The following PHC3 variants were observed in gnomAD, a reference collection of about 807,000 sequenced individuals.
PHC3 encodes the protein polyhomeotic homolog 3.
A neutral mutation model predicts 107.4 loss-of-function variants in PHC3; 13 were observed. The observed-to-expected ratio is 0.12, with a 90% CI of 0.08 to 0.19. The LOEUF (loss-of-function observed/expected upper bound fraction) is 0.19. PHC3 is among the 10% of genes least tolerant of loss of function. The probability of loss-of-function intolerance (pLI) is 1.00; values close to 1 mark genes in which losing one functional copy is unlikely to be tolerated. For missense variants in PHC3, 992 were observed against 1,210.9 expected, an observed-to-expected ratio of 0.82 and a Z score of 2.68; for synonymous variants, 456 against 427.4, an observed-to-expected ratio of 1.07 and a Z score of -0.83.
intron 12 of PHC3, among the ~76,000 whole-genome samples, chr3:170,103,157 T>A (rs994701953): frequency 6.6e-6 from 1 of 152,200 alleles, no homozygotes; most frequent in South Asian, 2.1e-4. Flanking sequence ...AATATAATAC[T>A]GGACATCTAT....
intron 12 of PHC3, among the ~76,000 whole-genome samples, chr3:170,103,701 A>T (rs1176335337): frequency 6.6e-6 from 1 of 152,214 alleles, no homozygotes; most frequent in East Asian, 1.9e-4. Context: ...TTCATGGGCC[A>T]TATAAGTTTC....
chr3:170,119,026 T>A (rs1577039379), intron 9 of PHC3, among the ~76,000 whole-genome samples: 3 of 83,826 alleles, frequency 3.6e-5, no homozygotes, highest in Non-Finnish European at 2.4e-5. Context: ...TCACACAATC[T>A]ATAAAAAGCT....
At chr3:170,149,870 TA>T (rs377305951) in intron 4 of PHC3, 1 of 152,224 alleles carries the variant, frequency 6.6e-6, no homozygotes, top group Non-Finnish European at 1.5e-5. Flanking sequence ...GCACATATAC[TA>T]AAACTGGAAC....
intron 5 of PHC3, among the ~76,000 whole-genome samples, chr3:170,146,184 G>A (rs1194643071): frequency 6.6e-6 from 1 of 151,982 alleles, no homozygotes; most frequent in Non-Finnish European, 1.5e-5. Context: ...AGACCAGCCT[G>A]GCCAACACGG....
At position 170,175,794 on chromosome 3, in the gene PHC3, C is replaced by T. The variant is rs189634798; in HGVS notation, c.180+2979G>A. On this transcript the variant is annotated intron_variant, in intron 2 of 14. Coordinates refer to ENST00000495893, the MANE Select transcript of PHC3 (RefSeq NM_024947.4). Reference sequence around the variant, plus strand: ...AAAAAATTAGCTGGGTGTGGTGGCACGTGCCTGTAGTCCCAGCTACTCAGG... The same window carrying T: ...AAAAAATTAGCTGGGTGTGGTGGCATGTGCCTGTAGTCCCAGCTACTCAGG... 8.8e-4 allele frequency among the ~76,000 whole-genome samples: 133 copies of T among 150,520 alleles called. 1 individual carries two copies. The highest frequency in any genetic ancestry group is 1.1e-3 in the African/African-American group (46 of 40,888).
At chr3:170,102,077 A>T in intron 14 of PHC3, 1 of 892,242 alleles carries the variant, frequency 1.1e-6, no homozygotes, top group Non-Finnish European at 1.3e-6. Context: ...AGTCTCTCTT[A>T]CTTCATTTTT....
Position 170,136,627 on chromosome 3 carries a change from T to C in PHC3, c.711A>G (p.Val237=), listed in dbSNP as rs1723115486. 6.2e-7 allele frequency: 1 copy of C among 1,613,682 alleles called. No individual in the cohort carries two copies. Among genetic ancestry groups the C allele is most frequent in the African/African-American group, 1.3e-5 (1 of 74,914 alleles). Residue 237 remains valine (V), a synonymous_variant, in exon 7 of 15, where the codon GTA becomes GTG. Transcript: ENST00000495893. The part of the protein sequence containing the change: ...NLTLRSQKLG[V]LSSSQNGPPK... ...GTGGACCATTCTGTGAGCTAGATAA[T>C]ACACCCAACTTCTGGCTGCGTAATG...
At chr3:170,180,258 C>T (rs1439744175) in intron 1 of PHC3, among the ~76,000 whole-genome samples, 1 of 151,636 alleles carries the variant, frequency 6.6e-6, no homozygotes, top group Non-Finnish European at 1.5e-5. Flanking sequence ...CCAGCCTGGG[C>T]AACATAGGGA....
At chr3:170,175,295 T>C (rs1730247860) in intron 2 of PHC3, among the ~76,000 whole-genome samples, 1 of 152,200 alleles carries the variant, frequency 6.6e-6, no homozygotes, top group Non-Finnish European at 1.5e-5. Flanking sequence ...TTTCTATTAA[T>C]TTTTTATTAA....
In PHC3 at chr3:170,113,468, A is replaced by G; in HGVS notation, c.2245T>C (p.Leu749=). ...ACTGAATTTATCACCTGATTATCCAAAAGAGGCCGTTTTTTCACAGGCTGT... is the reference window on the plus strand; with the variant it reads ...ACTGAATTTATCACCTGATTATCCAGAAGAGGCCGTTTTTTCACAGGCTGT... ...IEQPVKKRPL[L]DNQVINSVCV... Residue 749 remains leucine, a synonymous_variant, in exon 11 of 15, where the codon TTG becomes CTG. Transcript: ENST00000495893. 1 of 1,612,784 alleles carries G rather than the reference A, an allele frequency of 6.2e-7. No homozygotes were observed. The highest frequency in any genetic ancestry group is 8.5e-7 in the Non-Finnish European group (1 of 1,179,330).
At chr3:170,181,458 G>A (rs1310569043) in intron 1 of PHC3, among the ~76,000 whole-genome samples, 2 of 152,130 alleles carry the variant, frequency 1.3e-5, no homozygotes, top group Non-Finnish European at 2.9e-5. Flanking sequence ...CCTGCGCGCA[G>A]GGCCGCGCAG....
At position 170,092,792 on chromosome 3, in the gene PHC3, AC is replaced by A. The variant is rs1714238681; in HGVS notation, c.*4437del. On this transcript the variant is annotated 3_prime_UTR_variant, in exon 15 of 15. Coordinates refer to ENST00000495893, the MANE Select transcript of PHC3 (RefSeq NM_024947.4). ...CTTTTTCAGAAATCAAAAATCACTAACTTCTACATCACTGGAACTATTAATA... is the reference window on the plus strand; with the variant it reads ...CTTTTTCAGAAATCAAAAATCACTAATTCTACATCACTGGAACTATTAATA... The A allele has an allele frequency of 2.0e-5, 3 of 152,340 alleles. No individual in the cohort carries two copies. In the South Asian group the frequency reaches 6.2e-4, roughly 32 times the overall value. The allele number at this position is 152,340 out of a possible 1,614,324, so 9.4% of individuals were successfully genotyped here. A position where few individuals can be genotyped will look rare whatever the true frequency, so the allele number is the denominator to read the frequency against.
intron 7 of PHC3, among the ~76,000 whole-genome samples, chr3:170,133,004 T>C: frequency 6.6e-6 from 1 of 152,146 alleles, no homozygotes; most frequent in East Asian, 1.9e-4. Flanking sequence ...CAAGTTACTT[T>C]GGCACCCTAA....
At chr3:170,098,758 T>C (rs555936146) in intron 14 of PHC3, among the ~76,000 whole-genome samples, 7 of 152,370 alleles carry the variant, frequency 4.6e-5, no homozygotes, top group Non-Finnish European at 8.8e-5. Context: ...GTTTCCTATA[T>C]AACAACTAGC....
chr3:170,146,292 T>C (rs1041641661), intron 5 of PHC3, among the ~76,000 whole-genome samples: 10 of 151,522 alleles, frequency 6.6e-5, no homozygotes, highest in Non-Finnish European at 1.0e-4. Context: ...GGAGAATCAC[T>C]TGAACCCAGG....
intron 12 of PHC3, among the ~76,000 whole-genome samples, chr3:170,106,021 G>A (rs1032134602): frequency 5.3e-5 from 8 of 152,156 alleles, no homozygotes; most frequent in Non-Finnish European, 8.8e-5. Flanking sequence ...AGACCAGCCT[G>A]GCGAACATGG....
chr3:170,138,220 AT>A (rs919083099), intron 6 of PHC3, among the ~76,000 whole-genome samples: 28 of 152,018 alleles, frequency 1.8e-4, no homozygotes, highest in Non-Finnish European at 4.0e-4. Flanking sequence ...TAAATAAATA[AT>A]TTTTTAAAAA....
rs1198159222 is a variant in PHC3, at chr3:170,094,845, T to C, written c.*2385A>G. Reference sequence around the variant, plus strand: ...CCCTCCTGAATACTTAAGACAGCAGTAGGCACAGGGGCTTTCAATAAGTAC... The same window carrying C: ...CCCTCCTGAATACTTAAGACAGCAGCAGGCACAGGGGCTTTCAATAAGTAC... On this transcript the variant is annotated 3_prime_UTR_variant, in exon 15 of 15. Transcript: ENST00000495893. 1 of 152,088 alleles carries C rather than the reference T, an allele frequency of 6.6e-6. No individual in the cohort carries two copies. Among genetic ancestry groups the C allele is most frequent in the Admixed American group, 6.6e-5 (1 of 15,240 alleles). 9.4% of individuals were successfully genotyped at this position (152,088 alleles called of 1,614,324 possible).
chr3:170,099,311 T>C (rs1576948972), intron 14 of PHC3, among the ~76,000 whole-genome samples: 1 of 152,252 alleles, frequency 6.6e-6, no homozygotes, highest in South Asian at 2.1e-4. Flanking sequence ...CAAATAGGAA[T>C]GCATTTTAGA....
Sources: allele counts gnomAD v4.1 joint callset (sites outside exome capture counted in the v4.1 genomes callset), GRCh38; gene constraint gnomAD v4.1.1; transcripts MANE v1.5; gene names NCBI Gene and HGNC (gene_info 2026-07-23, HGNC 2026-07-21).